The following LRP1B variants were observed in gnomAD, a reference collection of about 807,000 sequenced individuals.
The protein encoded by LRP1B is LDL receptor related protein 1B, also known as low-density lipoprotein receptor-related protein 1B.
A neutral mutation model predicts 556.6 loss-of-function variants in LRP1B; 217 were observed. That is an observed-to-expected ratio of 0.39 (90% CI 0.35 to 0.44). The LOEUF is 0.44. Ranked by LOEUF, LRP1B falls within the 20% of genes least tolerant of loss-of-function variation. LRP1B has a pLI of 1.00. For synonymous variants in LRP1B, 2,047 were observed against 1,865.8 expected (o/e 1.10, Z -2.50); for missense variants, 5,053 against 5,620.8 (o/e 0.90, Z 3.23).
intron 5 of LRP1B, 113 bp downstream of exon 5, chr2:141,247,113 A>T: frequency 1.7e-6 from 2 of 1,207,880 alleles, no homozygotes; most frequent in Non-Finnish European, 2.4e-6. Flanking sequence ...AATGAAAGCA[A>T]ATCTCTCTCT....
rs187207492 is a variant in LRP1B, at chr2:140,748,497, T to C, written c.5758+20716A>G. 9.2e-3 allele frequency among the ~76,000 whole-genome samples: 1,017 copies of C among 110,914 alleles called. 16 individuals carry two copies. The highest frequency in any genetic ancestry group is 0.032 in the African/African-American group (964 of 29,878). 72.8% of individuals were successfully genotyped at this position (110,914 alleles called of 152,430 possible). On this transcript the variant is annotated intron_variant, in intron 35 of 90. Transcript: ENST00000389484. The stretch of plus-strand genomic sequence containing the variant: ...TAAAAAATTCCTAGCAATAATACTG[T>C]GTTAACAGCTCTTGGTATCACATCT...
intron 35 of LRP1B, among the ~76,000 whole-genome samples, chr2:140,751,096 G>T (rs191002125): frequency 6.7e-6 from 1 of 148,642 alleles, no homozygotes; most frequent in Non-Finnish European, 1.5e-5. Context: ...GGGTTCAAGC[G>T]ATTCTCCTGC....
chr2:142,027,531 A>G (rs1250781073), intron 1 of LRP1B, among the ~76,000 whole-genome samples: 1 of 151,940 alleles, frequency 6.6e-6, no homozygotes, highest in Admixed American at 6.6e-5. Flanking sequence ...ACTGTCAAAC[A>G]GGCTAACATT....
At chr2:141,588,703 C>T (rs1026391443) in intron 2 of LRP1B, among the ~76,000 whole-genome samples, 1 of 152,158 alleles carries the variant, frequency 6.6e-6, no homozygotes, top group African/African-American at 2.4e-5. Flanking sequence ...TGAGCTAGCT[C>T]TTCTCCTTCC....
intron 29 of LRP1B, among the ~76,000 whole-genome samples, chr2:140,842,314 T>C (rs1692134615): frequency 1.3e-5 from 2 of 152,176 alleles, no homozygotes; most frequent in Admixed American, 1.3e-4. Flanking sequence ...AGCCTTAAAG[T>C]GCAGTATTTG....
At chr2:141,995,127 T>C (rs903324898) in intron 1 of LRP1B, among the ~76,000 whole-genome samples, 1 of 152,106 alleles carries the variant, frequency 6.6e-6, no homozygotes, top group African/African-American at 2.4e-5. Context: ...ATTGCTGCTA[T>C]TTAAAAATTG....
chr2:141,322,606 A>T (rs924859599), intron 3 of LRP1B, among the ~76,000 whole-genome samples: 1 of 152,044 alleles, frequency 6.6e-6, no homozygotes. Flanking sequence ...TTGCTGTGAG[A>T]CTTGAGAGAT....
At chr2:141,276,565 G>A (rs1685295643) in intron 3 of LRP1B, among the ~76,000 whole-genome samples, 1 of 151,756 alleles carries the variant, frequency 6.6e-6, no homozygotes, top group Non-Finnish European at 1.5e-5. Context: ...TTCTGTTCCT[G>A]CATTAGTTTG....
At chr2:141,603,148 A>G (rs1245359012) in intron 2 of LRP1B, among the ~76,000 whole-genome samples, 1 of 152,214 alleles carries the variant, frequency 6.6e-6, no homozygotes. Flanking sequence ...TGGAAGCAAC[A>G]TCAGTATCTG....
chr2:141,709,724 G>C (rs2105476138), intron 2 of LRP1B, among the ~76,000 whole-genome samples: 1 of 152,292 alleles, frequency 6.6e-6, no homozygotes, highest in East Asian at 1.9e-4. Context: ...GGGGCTCCAA[G>C]GGAAAAAGAG....
At chr2:141,132,038 T>G (rs1223075171) in intron 7 of LRP1B, among the ~76,000 whole-genome samples, 1 of 152,034 alleles carries the variant, frequency 6.6e-6, no homozygotes, top group Non-Finnish European at 1.5e-5. Flanking sequence ...TTCTCATGCC[T>G]TTGTATCCTC....
At chr2:141,465,856 C>G (rs1682172674) in intron 3 of LRP1B, among the ~76,000 whole-genome samples, 1 of 147,646 alleles carries the variant, frequency 6.8e-6, no homozygotes, top group Non-Finnish European at 1.5e-5. Context: ...TATAGCATGA[C>G]TTTTATACCT....
chr2:141,804,897 T>C (rs192332670), intron 2 of LRP1B, among the ~76,000 whole-genome samples: 83 of 152,162 alleles, frequency 5.5e-4, no homozygotes, highest in African/African-American at 1.9e-3. Flanking sequence ...GCCAAGCAGT[T>C]GCTGTGATCA....
intron 41 of LRP1B, among the ~76,000 whole-genome samples, chr2:140,614,179 C>T (rs1553499250): frequency 6.6e-6 from 1 of 152,086 alleles, no homozygotes; most frequent in Non-Finnish European, 1.5e-5. Flanking sequence ...TCAGTCACCT[C>T]TGTACAAATC....
rs780282810 is a variant in LRP1B, at chr2:140,239,422, T to C, written c.13415+20A>G. ...GTGTGATTTATTCACTGACTGCTAA[T>C]CTAGAACATTGCATCTTACCTTCTT... On this transcript the variant is annotated intron_variant, in intron 88 of 90. Transcript: ENST00000389484. 1 of 1,491,024 alleles carries C rather than the reference T, an allele frequency of 6.7e-7. No homozygotes were observed. Among genetic ancestry groups the C allele is most frequent in the Non-Finnish European group, 9.3e-7 (1 of 1,079,750 alleles). 92.4% of individuals were successfully genotyped at this position (1,491,024 alleles called of 1,614,324 possible). A position where few individuals can be genotyped will look rare whatever the true frequency, so the allele number is the denominator to read the frequency against.
intron 83 of LRP1B, among the ~76,000 whole-genome samples, chr2:140,305,448 C>T (rs1045110352): frequency 2.6e-5 from 4 of 152,090 alleles, no homozygotes; most frequent in Non-Finnish European, 5.9e-5. Context: ...CATGATTTGG[C>T]TCTCTGTCTG....
intron 1 of LRP1B, among the ~76,000 whole-genome samples, chr2:141,994,336 T>C (rs1310644366): frequency 6.6e-6 from 1 of 152,202 alleles, no homozygotes; most frequent in East Asian, 1.9e-4. Context: ...TATTTCATAA[T>C]AGAGGGAAAT....
intron 23 of LRP1B, among the ~76,000 whole-genome samples, chr2:140,892,482 C>T (rs1693826292): frequency 6.6e-6 from 1 of 152,092 alleles, no homozygotes; most frequent in African/African-American, 2.4e-5. Context: ...CAAACAAAAG[C>T]AATGATATAT....
intron 1 of LRP1B, among the ~76,000 whole-genome samples, chr2:141,964,524 G>A (rs1233356735): frequency 6.6e-6 from 1 of 151,694 alleles, no homozygotes; most frequent in Non-Finnish European, 1.5e-5. Context: ...AATGGTGCTG[G>A]GAAAACTGGC....
Sources: allele counts gnomAD v4.1 joint callset (sites outside exome capture counted in the v4.1 genomes callset), GRCh38; gene constraint gnomAD v4.1.1; transcripts MANE v1.5; gene names NCBI Gene and HGNC (gene_info 2026-07-23, HGNC 2026-07-21).